Variants in PPEF2 observed in about 807,000 individuals in gnomAD.
The protein encoded by PPEF2 is serine/threonine-protein phosphatase with EF-hands 2.
A neutral mutation model predicts 84.7 loss-of-function variants in PPEF2; 84 were observed. The observed-to-expected ratio is 0.99, with a 90% CI of 0.83 to 1.19. PPEF2 has a LOEUF of 1.19. Ranked by LOEUF, PPEF2 falls within the 50% of genes most tolerant of loss-of-function variation. PPEF2 has a pLI of 0.00. For synonymous variants in PPEF2, 346 were observed against 345.2 expected, an observed-to-expected ratio of 1.00 and a Z score of -0.03; for missense variants, 924 against 937.5, an observed-to-expected ratio of 0.99 and a Z score of 0.19.
rs1724840866 is a variant in PPEF2, at chr4:75,890,116, G to A, written c.258C>T (p.Arg86=). 16 of 1,613,912 alleles carry A rather than the reference G, an allele frequency of 9.9e-6. No individual in the cohort carries two copies. Among genetic ancestry groups the A allele is most frequent in the Non-Finnish European group, 1.3e-5 (15 of 1,180,014 alleles). The change falls in exon 5 of 17, where the codon CGC becomes CGT. Residue 86 remains arginine, a synonymous_variant. Transcript: ENST00000286719. ...GGGCGAATCTGTCCTCAGTGAATATGCGGGTCAGGAAGTCCCCTAGTCCAG... is the reference window on the plus strand; with the variant it reads ...GGGCGAATCTGTCCTCAGTGAATATACGGGTCAGGAAGTCCCCTAGTCCAG... The part of the protein sequence containing the change: ...SSHNDRDFLT[R]IFTEDRFAQD...
At chr4:75,873,083 T>G (rs1350868314) in intron 12 of PPEF2, 44 bp downstream of exon 12, 1 of 1,556,616 alleles carries the variant, frequency 6.4e-7, no homozygotes, top group Non-Finnish European at 8.8e-7. Flanking sequence ...TTCGGACTAC[T>G]TTGGTGACAC....
At chr4:75,878,379 A>G (rs1320877327) in intron 10 of PPEF2, among the ~76,000 whole-genome samples, 1 of 152,202 alleles carries the variant, frequency 6.6e-6, no homozygotes, top group Non-Finnish European at 1.5e-5. Context: ...GAGGGGGAAG[A>G]CTTCCATGGT....
chr4:75,886,419 A>G (rs1724726904), intron 7 of PPEF2, among the ~76,000 whole-genome samples: 1 of 152,186 alleles, frequency 6.6e-6, no homozygotes, highest in Non-Finnish European at 1.5e-5. Context: ...ATGCAACGGC[A>G]CGTTCGTGGG....
chr4:75,869,144 A>C (rs902658708), intron 13 of PPEF2, among the ~76,000 whole-genome samples: 4 of 152,214 alleles, frequency 2.6e-5, no homozygotes, highest in Admixed American at 6.5e-5. Flanking sequence ...ACTCCTAAAA[A>C]GTTTAAGAAC....
In PPEF2 at chr4:75,890,141, G is replaced by C; in HGVS notation, c.242-9C>G. On this transcript the variant is annotated splice_polypyrimidine_tract_variant and intron_variant, in intron 4 of 16. Transcript: ENST00000286719. ...GCGGGTCAGGAAGTCCCCTAGTCCA[G>C]ATAGAAAAGGTGGATCAGCTTATGA... 1 of 1,613,608 alleles carries C rather than the reference G, an allele frequency of 6.2e-7. No individual in the cohort carries two copies. Among genetic ancestry groups the C allele is most frequent in the Non-Finnish European group, 8.5e-7 (1 of 1,179,760 alleles).
Position 75,860,702 on chromosome 4 carries a change from T to C in PPEF2, c.2227A>G (p.Lys743Glu), listed in dbSNP as rs774078096. The C allele has an allele frequency of 5.6e-6, 9 of 1,614,140 alleles. No homozygotes were observed. The Admixed American group carries it at 1.3e-4, about 24-fold the overall frequency. ...CCTGGACTGCTGCAGCCACTGTCTT[T>C]AGCATTTGTAGCTTGTGGGCATTCT... ...ASECPQATNAKDSGCSSPGAH is the reference protein window; with the variant it reads ...ASECPQATNAEDSGCSSPGAH The change falls in exon 17 of 17, where the codon AAA becomes GAA. Residue 743 changes from lysine (K) to glutamate (E), a missense_variant. Transcript: ENST00000286719.
Position 75,876,451 on chromosome 4 carries a change from G to C in PPEF2, c.1156C>G (p.Leu386Val). 1 of 1,614,070 alleles carries C rather than the reference G, an allele frequency of 6.2e-7. No individual in the cohort carries two copies. The highest frequency in any genetic ancestry group is 8.5e-7 in the Non-Finnish European group (1 of 1,179,980). The change falls in exon 11 of 17, where the codon CTC (leucine) becomes GTC (valine). Residue 386 changes from leucine to valine, a missense_variant. By Grantham distance (32) the Leu-to-Val change is conservative. Transcript: ENST00000286719. ...PCSGSLDGRE[L>V]SRQVRSSVEL... ...ACGGAGCTCCGCACCTGCCGGGAGAGCTCCCGCCCGTCCAGGGAACCGCTG... is the reference window on the plus strand; with the variant it reads ...ACGGAGCTCCGCACCTGCCGGGAGACCTCCCGCCCGTCCAGGGAACCGCTG...
intron 12 of PPEF2, among the ~76,000 whole-genome samples, chr4:75,872,761 A>C (rs1057296520): frequency 2.0e-5 from 3 of 152,260 alleles, no homozygotes; most frequent in Non-Finnish European, 4.4e-5. Context: ...GGAGATGTCC[A>C]AAGATTAGTC....
chr4:75,897,359 ACT>A (rs1657150830), intron 1 of PPEF2, among the ~76,000 whole-genome samples: 1 of 151,676 alleles, frequency 6.6e-6, no homozygotes, highest in African/African-American at 2.4e-5. Flanking sequence ...GGTTTAATTA[ACT>A]CTCACATTTT....
At chr4:75,874,394 C>G (rs1220086745) in intron 11 of PPEF2, among the ~76,000 whole-genome samples, 2 of 151,694 alleles carry the variant, frequency 1.3e-5, no homozygotes, top group East Asian at 2.0e-4. Flanking sequence ...CTCCCAGGTT[C>G]AAGCGATTCT....
At chr4:75,867,243 A>G (rs1724151861) in intron 14 of PPEF2, 70 bp downstream of exon 14, 2 of 1,162,764 alleles carry the variant, frequency 1.7e-6, no homozygotes, top group East Asian at 2.4e-5. Flanking sequence ...TTTATTTGCT[A>G]ACTAGTGTAA....
intron 2 of PPEF2, among the ~76,000 whole-genome samples, chr4:75,894,269 A>T (rs1724958633): frequency 6.6e-6 from 1 of 152,206 alleles, no homozygotes; most frequent in African/African-American, 2.4e-5. Context: ...TTTAAAGGAA[A>T]AAAATGATGC....
intron 5 of PPEF2, 108 bp downstream of exon 5, chr4:75,889,849 A>G (rs1724831752): frequency 2.4e-6 from 3 of 1,268,374 alleles, no homozygotes; most frequent in Non-Finnish European, 3.4e-6. Context: ...TAGTGGACAC[A>G]TGACATGAAC....
rs373592554 is a variant in PPEF2, at chr4:75,860,759, C to T, written c.2170G>A (p.Val724Met). 1.9e-6 allele frequency: 3 copies of T among 1,614,110 alleles called. No homozygotes were observed. The highest frequency in any genetic ancestry group is 3.3e-5 in the Admixed American group (2 of 60,010). Residue 724 changes from valine to methionine, a missense_variant, in exon 17 of 17, where the codon GTG becomes ATG. Val to Met is a conservative substitution (Grantham distance 21). Coordinates refer to ENST00000286719, the MANE Select transcript of PPEF2 (RefSeq NM_006239.3). ...INEFLEAFRL[V>M]EKSCPEGDAS... Reference sequence around the variant, plus strand: ...TCGCCCTCTGGGCAGGATTTCTCCACAAGGCGGAAGGCCTCCAGGAACTCA... The same window carrying T: ...TCGCCCTCTGGGCAGGATTTCTCCATAAGGCGGAAGGCCTCCAGGAACTCA...
At chr4:75,895,265 T>C (rs919087365) in intron 2 of PPEF2, among the ~76,000 whole-genome samples, 49 of 146,554 alleles carry the variant, frequency 3.3e-4, no homozygotes, top group African/African-American at 1.2e-3. Context: ...CCGTCTCTAC[T>C]AAAAATTCAA....
In PPEF2 at chr4:75,891,880, C is replaced by G; in HGVS notation, c.154G>C (p.Glu52Gln). Residue 52 changes from glutamate (E) to glutamine (Q), a missense_variant, in exon 3 of 17, where the codon GAA (glutamate) becomes CAA (glutamine). Coordinates refer to ENST00000286719, the MANE Select transcript of PPEF2 (RefSeq NM_006239.3). ...RCTWSIFQSIEYAGQQDQVKL... is the reference protein window; with the variant it reads ...RCTWSIFQSIQYAGQQDQVKL... ...ACTTGGTCTTGCTGCCCAGCATATT[C>G]TATAGACTGGAAGATGCTCCAGGTG... 1.2e-6 allele frequency: 2 copies of G among 1,614,102 alleles called. No individual in the cohort carries two copies. The highest frequency in any genetic ancestry group is 1.7e-6 in the Non-Finnish European group (2 of 1,179,952).
At chr4:75,897,144 C>G (rs751571169) in intron 1 of PPEF2, among the ~76,000 whole-genome samples, 2 of 152,062 alleles carry the variant, frequency 1.3e-5, no homozygotes, top group South Asian at 4.1e-4. Context: ...TGAGCCACTG[C>G]GCCTGGCCAG....
At chr4:75,884,421 C>T (rs1724666431) in intron 8 of PPEF2, among the ~76,000 whole-genome samples, 173 bp downstream of exon 8, 1 of 66,056 alleles carries the variant, frequency 1.5e-5, no homozygotes, top group East Asian at 5.3e-4. Context: ...GTGAGACTCT[C>T]TCCAAAAAAA....
At chr4:75,865,891 C>A (rs1358159041) in intron 15 of PPEF2, among the ~76,000 whole-genome samples, 5 of 151,968 alleles carry the variant, frequency 3.3e-5, no homozygotes, top group Non-Finnish European at 7.4e-5. Flanking sequence ...GGCTTGAGTC[C>A]CAACTTAGTC....
Sources: allele counts gnomAD v4.1 joint callset (sites outside exome capture counted in the v4.1 genomes callset), GRCh38; gene constraint gnomAD v4.1.1; transcripts MANE v1.5; gene names NCBI Gene and HGNC (gene_info 2026-07-23, HGNC 2026-07-21).